Variants in UBXN2A observed in about 807,000 individuals in gnomAD.
The protein encoded by UBXN2A is UBX domain-containing protein 2A.
UBXN2A carries 28 observed loss-of-function variants against 28.4 expected under a neutral mutation model. That is an observed-to-expected ratio of 0.99 (90% CI 0.73 to 1.35). The LOEUF (loss-of-function observed/expected upper bound fraction) is 1.35. Ranked by LOEUF, UBXN2A falls within the 40% of genes most tolerant of loss-of-function variation. The pLI, the probability that UBXN2A is intolerant of heterozygous loss-of-function variation, is 0.00. For missense variants in UBXN2A, 253 were observed against 297.9 expected (o/e 0.85, Z 1.11); for synonymous variants, 97 against 103.6 (o/e 0.94, Z 0.39).
At position 23,928,974 on chromosome 2, in the gene UBXN2A, C is replaced by T. The variant is rs939840110; in HGVS notation, c.-138+1359C>T. On this transcript the variant is annotated intron_variant, in intron 1 of 7. Coordinates refer to the UBXN2A transcript ENST00000404924. ...CTATCACATCACTGAGCAGCATAAA[C>T]AAGTATCAATTCCTGTGGAAAGAGG... Among the ~76,000 whole-genome samples, 15 of 152,252 alleles carry T rather than the reference C, an allele frequency of 9.9e-5. No homozygotes were observed. The East Asian group carries it at 2.9e-3, about 29-fold the overall frequency.
rs148268496 is a variant in UBXN2A at position 23,981,236 on chromosome 2, A to G, written c.288-1660A>G. Among the ~76,000 whole-genome samples the G allele has an allele frequency of 1.9e-4, 28 of 150,388 alleles. No individual in the cohort carries two copies. The East Asian group carries it at 5.3e-3, about 28-fold the overall frequency. On this transcript the variant is annotated intron_variant, in intron 4 of 6. Transcript: ENST00000309033. ...GTAATCTCAACACCTTCGGAGGCCAAGGCAGGAGGATCATTTGATCCCAGG... is the reference window on the plus strand; with the variant it reads ...GTAATCTCAACACCTTCGGAGGCCAGGGCAGGAGGATCATTTGATCCCAGG...
intron 6 of UBXN2A, among the ~76,000 whole-genome samples, chr2:23,993,739 G>A (rs1708435076): frequency 6.7e-6 from 1 of 149,272 alleles, no homozygotes; most frequent in Non-Finnish European, 1.5e-5. Context: ...CCTGGTTGGA[G>A]CGCAGCGGAG....
chr2:23,968,801 T>C (rs1163898623), intron 2 of UBXN2A: 1 of 152,618 alleles, frequency 6.6e-6, no homozygotes, highest in Non-Finnish European at 1.5e-5. Flanking sequence ...TCTGTACTTT[T>C]ATAAATTTTC....
At position 23,949,346 on chromosome 2, in the gene UBXN2A, C is replaced by T. The variant is rs966621512; in HGVS notation, c.-15+8698C>T. The stretch of plus-strand genomic sequence containing the variant: ...CAGCACTGTGGGAGGCCGAGGTGGG[C>T]GGATCATGAGGTCAGGAGATGGAGA... On this transcript the variant is annotated intron_variant, in intron 1 of 6. Coordinates refer to ENST00000309033, the MANE Select transcript of UBXN2A (RefSeq NM_181713.4). Among the ~76,000 whole-genome samples the T allele has an allele frequency of 3.3e-5, 5 of 150,932 alleles. No individual in the cohort carries two copies. In the East Asian group the frequency reaches 6.0e-4, roughly 18 times the overall value.
At chr2:23,987,003 G>A (rs1316883384) in intron 6 of UBXN2A, among the ~76,000 whole-genome samples, 1 of 151,870 alleles carries the variant, frequency 6.6e-6, no homozygotes, top group African/African-American at 2.4e-5. Context: ...TGAGGTGGGA[G>A]AATCACCTGA....
rs765307388 is a variant in UBXN2A at position 23,955,220 on chromosome 2, C to T, written c.-14-3081C>T. Among the ~76,000 whole-genome samples, 10 of 152,214 alleles carry T rather than the reference C, an allele frequency of 6.6e-5. No individual in the cohort carries two copies. The East Asian group carries it at 7.7e-4, about 12-fold the overall frequency. On this transcript the variant is annotated intron_variant, in intron 1 of 6. Coordinates refer to ENST00000309033, the MANE Select transcript of UBXN2A (RefSeq NM_181713.4). ...TGCTGGGATTACAGGCGTGAGCCAT[C>T]GCACCCGGCTGCTTGCCTACCATTT...
In UBXN2A at chr2:23,933,113, AAAATT is replaced by A. The variant is rs1029513058; in HGVS notation, c.-138+5512_-138+5516del. Among the ~76,000 whole-genome samples, 285 of 152,182 alleles carry A rather than the reference AAAATT, an allele frequency of 1.9e-3. 1 individual carries two copies. The highest frequency in any genetic ancestry group is 6.6e-3 in the African/African-American group (275 of 41,518). ...GAGCGAGACTCCATCTCAAAAAAAT[AAAATT>A]AAATTAAATTAAAAAATAAAGGAGA... On this transcript the variant is annotated intron_variant, in intron 1 of 7. Transcript: ENST00000404924.
Position 23,942,419 on chromosome 2 carries a change from C to CTTTT in UBXN2A, c.-15+1790_-15+1793dup, listed in dbSNP as rs759241567. Among the ~76,000 whole-genome samples the CTTTT allele has an allele frequency of 3.6e-3, 351 of 98,094 alleles. 6 individuals carry two copies. In the Middle Eastern group the frequency reaches 0.04, roughly 11 times the overall value. The allele number at this position is 98,094 out of a possible 152,430, so 64.4% of individuals were successfully genotyped here. A position where few individuals can be genotyped will look rare whatever the true frequency, so the allele number is the denominator to read the frequency against. ...TTAGGGCCAAAGAGATGATGCAGGG[C>CTTTT]TTTTTTTTTTTTTTTTTTTTTTGTT... On this transcript the variant is annotated intron_variant, in intron 1 of 6. Transcript: ENST00000309033.
At chr2:23,933,417 A>G (rs893952544) in intron 1 of UBXN2A, among the ~76,000 whole-genome samples, 1 of 152,068 alleles carries the variant, frequency 6.6e-6, no homozygotes, top group African/African-American at 2.4e-5. Context: ...GAGGCAGGAG[A>G]ATCGCTTGAA....
At chr2:23,947,025 C>A (rs1706120931) in intron 1 of UBXN2A, among the ~76,000 whole-genome samples, 1 of 151,736 alleles carries the variant, frequency 6.6e-6, no homozygotes, top group Admixed American at 6.6e-5. Context: ...CTAGCCAGGA[C>A]TACAGACGTT....
chr2:23,986,663 A>G (rs1285433830), intron 6 of UBXN2A, among the ~76,000 whole-genome samples: 3 of 148,380 alleles, frequency 2.0e-5, no homozygotes, highest in Non-Finnish European at 4.4e-5. Flanking sequence ...GCTGGAGTGC[A>G]GTGGCACGAT....
At chr2:23,928,248 GA>G (rs147100089) in intron 1 of UBXN2A, among the ~76,000 whole-genome samples, 9,821 of 151,820 alleles carry the variant, frequency 0.065, 409 homozygotes, top group African/African-American at 0.12. Flanking sequence ...AAGAAAGAAA[GA>G]AAAGCTCTGC....
intron 1 of UBXN2A, among the ~76,000 whole-genome samples, chr2:23,946,192 C>A (rs753852687): frequency 6.6e-6 from 1 of 152,098 alleles, no homozygotes; most frequent in Non-Finnish European, 1.5e-5. Context: ...TTCACTTCGA[C>A]ATCCAGGCTG....
chr2:23,993,602 A>G lies in UBXN2A; in HGVS notation c.585-6070A>G, dbSNP rs140089364. On this transcript the variant is annotated intron_variant, in intron 6 of 6. Transcript: ENST00000309033. ...ACTTGTAAACAATATTCACTTATAT[A>G]TCATTTTACTTTTTCTGTTTTTTAC... Among the ~76,000 whole-genome samples, 310 of 152,206 alleles carry G rather than the reference A, an allele frequency of 2.0e-3. 1 individual carries two copies. The highest frequency in any genetic ancestry group is 6.9e-3 in the African/African-American group (288 of 41,564).
intron 3 of UBXN2A, among the ~76,000 whole-genome samples, chr2:23,976,068 A>G (rs900365723): frequency 3.3e-5 from 5 of 152,202 alleles, no homozygotes; most frequent in Non-Finnish European, 5.9e-5. Flanking sequence ...ATTATACATA[A>G]TAAGGATTTA....
chr2:23,965,922 C>T (rs1573566304), intron 2 of UBXN2A, among the ~76,000 whole-genome samples: 2 of 152,026 alleles, frequency 1.3e-5, no homozygotes, highest in Admixed American at 1.3e-4. Flanking sequence ...TCTGTTCCTT[C>T]TTGTGTGTGT....
intron 4 of UBXN2A, 73 bp from the exon 5 acceptor site, chr2:23,982,823 G>T: frequency 1.4e-6 from 2 of 1,437,930 alleles, no homozygotes; most frequent in South Asian, 1.5e-5. Flanking sequence ...TTCATTTTTT[G>T]TATGTACAGA....
intron 1 of UBXN2A, among the ~76,000 whole-genome samples, chr2:23,946,587 C>T (rs958076289): frequency 2.6e-5 from 4 of 151,876 alleles, no homozygotes; most frequent in Admixed American, 2.6e-4. Context: ...TCCTAAAGAG[C>T]TGAGATTACG....
chr2:23,944,409 GTTTGTCAGTC>G, intron 1 of UBXN2A: 1 of 1,181,268 alleles, frequency 8.5e-7, no homozygotes, highest in Non-Finnish European at 1.2e-6. Flanking sequence ...CCATCTTTCA[GTTTGTCAGTC>G]TTATCTCCAC....
Sources: gnomAD v4.1 joint callset for allele counts (sites outside exome capture counted in the v4.1 genomes callset) on GRCh38, gnomAD v4.1.1 for gene constraint, MANE v1.5 for transcripts, NCBI Gene and HGNC (gene_info 2026-07-23, HGNC 2026-07-21) for gene names.